ZDHHC17: variants seen among roughly 807,000 people sequenced by gnomAD.
ZDHHC17 encodes zDHHC palmitoyltransferase 17.
In ZDHHC17, 40 loss-of-function variants were observed where a neutral mutation model predicts 90.3. The ratio of observed to expected loss-of-function variants is 0.44; its 90% confidence interval spans 0.34 to 0.58. The LOEUF is 0.58. ZDHHC17 is among the 20% of genes least tolerant of loss of function. The pLI, the probability that ZDHHC17 is intolerant of heterozygous loss-of-function variation, is 0.01. For missense variants in ZDHHC17, 614 were observed against 780.8 expected (o/e 0.79, Z 2.55); for synonymous variants, 235 against 252.4 (o/e 0.93, Z 0.65).
chr12:76,837,451 T>C (rs553348623), intron 10 of ZDHHC17, among the ~76,000 whole-genome samples: 101 of 152,288 alleles, frequency 6.6e-4, no homozygotes, highest in Admixed American at 5.2e-3. Context: ...GATATGATTA[T>C]GCCACTGCAC....
intron 8 of ZDHHC17, among the ~76,000 whole-genome samples, chr12:76,826,679 T>C (rs1037194430): frequency 7.9e-5 from 12 of 152,202 alleles, no homozygotes. Context: ...AACCAACTGC[T>C]ATAACTTCTG....
At chr12:76,793,475 A>G (rs1952783772) in intron 1 of ZDHHC17, among the ~76,000 whole-genome samples, 1 of 152,208 alleles carries the variant, frequency 6.6e-6, no homozygotes, top group Non-Finnish European at 1.5e-5. Context: ...AGCTGAGATC[A>G]TGCCACTGCA....
chr12:76,822,641 G>A, intron 8 of ZDHHC17, 110 bp downstream of exon 8: 1 of 815,970 alleles, frequency 1.2e-6, no homozygotes, highest in Non-Finnish European at 1.9e-6. Context: ...TGCAATCCCT[G>A]CCTCTCGGTT....
intron 1 of ZDHHC17, among the ~76,000 whole-genome samples, chr12:76,766,222 G>C (rs1952429538): frequency 6.6e-6 from 1 of 152,132 alleles, no homozygotes; most frequent in African/African-American, 2.4e-5. Context: ...TTGATAGTGG[G>C]AATTGGCATA....
Position 76,805,328 on chromosome 12 carries a change from A to G in ZDHHC17, c.209A>G (p.Tyr70Cys), listed in dbSNP as rs1293663402. 2 of 1,599,254 alleles carry G rather than the reference A, an allele frequency of 1.3e-6. No homozygotes were observed. Among genetic ancestry groups the G allele is most frequent in the Non-Finnish European group, 8.5e-7 (1 of 1,171,482 alleles). The stretch of plus-strand genomic sequence containing the variant: ...TCTTTCTTTTCTAGATATGGAATAT[A>G]TGAACGCTGTCGAGAATTGGTGGAA... The part of the protein sequence containing the change: ...DIVKATQYGI[Y>C]ERCRELVEAG... Residue 70 changes from tyrosine to cysteine, a missense_variant, in exon 3 of 17, where the codon TAT (tyrosine) becomes TGT (cysteine). Coordinates refer to ENST00000426126, the MANE Select transcript of ZDHHC17 (RefSeq NM_015336.4).
intron 10 of ZDHHC17, 29 bp downstream of exon 10, chr12:76,828,519 A>T: frequency 6.3e-7 from 1 of 1,597,402 alleles, no homozygotes; most frequent in Non-Finnish European, 8.6e-7. Context: ...GATCATACCA[A>T]AAACAAATTT....
At chr12:76,791,697 A>G (rs1300527352) in intron 1 of ZDHHC17, among the ~76,000 whole-genome samples, 2 of 152,148 alleles carry the variant, frequency 1.3e-5, no homozygotes, top group Non-Finnish European at 2.9e-5. Context: ...AGACGCAACA[A>G]GTCAAGGGCT....
chr12:76,828,621 G>T, intron 10 of ZDHHC17, 131 bp downstream of exon 10: 1 of 705,634 alleles, frequency 1.4e-6, no homozygotes, highest in Middle Eastern at 4.3e-4. Context: ...AGAAAATTTA[G>T]TAAACTAATA....
chr12:76,779,441 A>G (rs1473586724), intron 1 of ZDHHC17, among the ~76,000 whole-genome samples: 1 of 152,180 alleles, frequency 6.6e-6, no homozygotes, highest in Non-Finnish European at 1.5e-5. Flanking sequence ...GATAGGCAAG[A>G]AAGTGTGTGC....
chr12:76,825,386 T>C (rs1411367213), intron 8 of ZDHHC17, among the ~76,000 whole-genome samples: 1 of 152,156 alleles, frequency 6.6e-6, no homozygotes, highest in Non-Finnish European at 1.5e-5. Context: ...AGTTGAAAAT[T>C]TTCCTAATAT....
chr12:76,784,042 A>G (rs1419252979), intron 1 of ZDHHC17, among the ~76,000 whole-genome samples: 2 of 152,236 alleles, frequency 1.3e-5, no homozygotes, highest in African/African-American at 2.4e-5. Flanking sequence ...CTCTAGAACT[A>G]TAAGATAATG....
In ZDHHC17 at chr12:76,850,892, C is replaced by T; in HGVS notation, c.1806C>T (p.Cys602=). The change falls in exon 17 of 17, where the codon TGC becomes TGT. Residue 602 remains cysteine (C), a synonymous_variant. Transcript: ENST00000426126. ...TTATAGACTTCTTTGAATTTCGATG[C>T]TGTGGCCTCTTTCGTCCTGTTATCG... The part of the protein sequence containing the change: ...RNIIDFFEFR[C]CGLFRPVIVD... 6.2e-7 allele frequency: 1 copy of T among 1,613,938 alleles called. No homozygotes were observed. The highest frequency in any genetic ancestry group is 1.1e-5 in the South Asian group (1 of 91,078).
intron 7 of ZDHHC17, among the ~76,000 whole-genome samples, chr12:76,817,302 A>G (rs1242289914): frequency 1.3e-5 from 2 of 152,076 alleles, no homozygotes; most frequent in Non-Finnish European, 2.9e-5. Flanking sequence ...AAATTATGTG[A>G]GATTACCTCA....
rs1236681994 is a variant in ZDHHC17, at chr12:76,764,202, C to T, written c.-35C>T. On this transcript the variant is annotated 5_prime_UTR_variant, in exon 1 of 17. Transcript: ENST00000426126. The stretch of plus-strand genomic sequence containing the variant: ...GCCCCGCGCTCGCCCTCCGCCTCGC[C>T]CGAGCCCCGGGAGGGTGAAACGCTT... The T allele has an allele frequency of 3.9e-6, 6 of 1,528,702 alleles. No homozygotes were observed. The highest frequency in any genetic ancestry group is 1.2e-5 in the South Asian group (1 of 82,156). 94.7% of individuals were successfully genotyped at this position (1,528,702 alleles called of 1,614,324 possible).
At chr12:76,831,561 A>G (rs1336472742) in intron 10 of ZDHHC17, among the ~76,000 whole-genome samples, 13 of 152,146 alleles carry the variant, frequency 8.5e-5, no homozygotes, top group Admixed American at 5.9e-4. Flanking sequence ...TATGTTGGCC[A>G]GACTGGTCTT....
chr12:76,772,106 TCA>T (rs1171938495), intron 1 of ZDHHC17, among the ~76,000 whole-genome samples: 1 of 152,230 alleles, frequency 6.6e-6, no homozygotes, highest in Non-Finnish European at 1.5e-5. Flanking sequence ...CATTTAATCC[TCA>T]CAGCTTTTTA....
chr12:76,764,411 C>T, intron 1 of ZDHHC17, 82 bp downstream of exon 1: 1 of 1,341,520 alleles, frequency 7.5e-7, no homozygotes, highest in Non-Finnish European at 1.0e-6. Flanking sequence ...CGGCGGCCGA[C>T]GTGTGTGGGG....
At chr12:76,807,706 A>G (rs1209280296) in intron 3 of ZDHHC17, among the ~76,000 whole-genome samples, 2 of 152,350 alleles carry the variant, frequency 1.3e-5, no homozygotes, top group East Asian at 1.9e-4. Flanking sequence ...GCTCACTGAC[A>G]TGGACCTAGT....
chr12:76,813,336 C>G (rs1565786969), intron 5 of ZDHHC17: 1 of 449,170 alleles, frequency 2.2e-6, no homozygotes, highest in Admixed American at 2.4e-5. Context: ...AATGTACTTG[C>G]ATATTGGAAA....
Sources: gnomAD v4.1 joint callset for allele counts (sites outside exome capture counted in the v4.1 genomes callset) on GRCh38, gnomAD v4.1.1 for gene constraint, MANE v1.5 for transcripts, NCBI Gene and HGNC (gene_info 2026-07-23, HGNC 2026-07-21) for gene names.